The following ZNF69 variants were observed in gnomAD, a reference collection of about 807,000 sequenced individuals.
ZNF69 encodes ZNF3.
A neutral mutation model predicts 50.9 loss-of-function variants in ZNF69; 47 were observed. That is an observed-to-expected ratio of 0.92 (90% CI 0.73 to 1.18). The LOEUF is 1.18. ZNF69 is among the 50% of genes most tolerant of loss of function. ZNF69 has a pLI of 0.00. For missense variants in ZNF69, 717 were observed against 675.1 expected (o/e 1.06, Z -0.69); for synonymous variants, 216 against 223.1 (o/e 0.97, Z 0.29).
the ZNF69 span, chr19:11,947,165 A>T: frequency 5.6e-6 from 9 of 1,612,550 alleles, no homozygotes; most frequent in Non-Finnish European, 7.6e-6. Context: ...TCCTCTACAC[A>T]TGTGAGATGT....
At chr19:11,942,678 G>A in the ZNF69 span, among the ~76,000 whole-genome samples, 7 of 152,256 alleles carry the variant, frequency 4.6e-5, no homozygotes, top group South Asian at 2.1e-4. Context: ...TGCATGCATC[G>A]GTAACAGGAC....
the ZNF69 span, chr19:11,979,027 A>G: frequency 1.9e-6 from 3 of 1,614,210 alleles, no homozygotes; most frequent in Middle Eastern, 1.6e-4. Context: ...AAAAAACCTT[A>G]TGAATGTAAG....
the ZNF69 span, chr19:11,979,380 C>T: frequency 3.7e-6 from 6 of 1,610,764 alleles, no homozygotes; most frequent in Non-Finnish European, 5.1e-6. Context: ...TGTGGGAAAG[C>T]CTTCAGATCT....
the ZNF69 span, among the ~76,000 whole-genome samples, chr19:11,967,614 AG>A: frequency 1.3e-5 from 2 of 152,170 alleles, no homozygotes; most frequent in Non-Finnish European, 2.9e-5. Flanking sequence ...CGTGTTAGCC[AG>A]GATGGTCTCA....
Sources: allele counts gnomAD v4.1 joint callset (sites outside exome capture counted in the v4.1 genomes callset), GRCh38; gene constraint gnomAD v4.1.1; transcripts MANE v1.5; gene names NCBI Gene and HGNC (gene_info 2026-07-23, HGNC 2026-07-21).